SMC5: variants seen among roughly 807,000 people sequenced by gnomAD.
SMC5 encodes the protein structural maintenance of chromosomes protein 5.
A neutral mutation model predicts 148.3 loss-of-function variants in SMC5; 88 were observed. The ratio of observed to expected loss-of-function variants is 0.59; its 90% CI spans 0.50 to 0.71. The LOEUF (loss-of-function observed/expected upper bound fraction) is 0.71, where lower values mean the gene tolerates loss of function less well. Among genes scored for constraint, SMC5 ranks in the 30% least tolerant of loss-of-function variants. SMC5 has a pLI of 0.00. For synonymous variants in SMC5, 421 were observed against 432.8 expected, an observed-to-expected ratio of 0.97 and a Z score of 0.34; for missense variants, 1,142 against 1,298.9, an observed-to-expected ratio of 0.88 and a Z score of 1.86.
At chr9:70,309,992 A>T (rs1214223176) in intron 11 of SMC5, among the ~76,000 whole-genome samples, 1 of 152,080 alleles carries the variant, frequency 6.6e-6, no homozygotes, top group Admixed American at 6.6e-5. Flanking sequence ...GATTACAGGT[A>T]TGCGCCACCA....
intron 17 of SMC5, among the ~76,000 whole-genome samples, chr9:70,331,399 T>G (rs2036215466): frequency 6.7e-6 from 1 of 150,144 alleles, no homozygotes; most frequent in Admixed American, 6.6e-5. Context: ...AATCAACTAC[T>G]TTTAAAAGGT....
chr9:70,331,247 T>G (rs1387052939), intron 17 of SMC5, among the ~76,000 whole-genome samples: 1 of 152,234 alleles, frequency 6.6e-6, no homozygotes, highest in East Asian at 1.9e-4. Flanking sequence ...CACATGTGAC[T>G]GGTTTCTACT....
chr9:70,346,977 A>G (rs760861576), intron 19 of SMC5, 89 bp from the exon 20 acceptor site: 37 of 933,016 alleles, frequency 4.0e-5, no homozygotes, highest in Non-Finnish European at 6.0e-5. Flanking sequence ...GAACAGATAG[A>G]TAACTTATTC....
intron 11 of SMC5, among the ~76,000 whole-genome samples, chr9:70,312,689 A>T (rs2035690760): frequency 6.6e-6 from 1 of 152,202 alleles, no homozygotes; most frequent in Admixed American, 6.5e-5. Context: ...TAAGATGATA[A>T]TATGGGTTTT....
In SMC5 at chr9:70,298,138, G is replaced by T; in HGVS notation, c.1226G>T (p.Arg409Leu). The T allele has an allele frequency of 1.9e-6, 3 of 1,613,952 alleles. No individual in the cohort carries two copies. Among genetic ancestry groups the T allele is most frequent in the Non-Finnish European group, 2.5e-6 (3 of 1,179,910 alleles). The change falls in exon 9 of 25, where the codon CGG (arginine) becomes CTG (leucine). Residue 409 changes from arginine (R) to leucine (L), a missense_variant. Coordinates refer to ENST00000361138, the MANE Select transcript of SMC5 (RefSeq NM_015110.4). ...GATGCCATTACAAATGATCTGAGAC[G>T]GATTCAGGATGAAAAGGCATTATGT... ...QIDAITNDLR[R>L]IQDEKALCEG... is the part of the protein sequence containing the mutation.
intron 10 of SMC5, among the ~76,000 whole-genome samples, chr9:70,301,390 A>G (rs1050713947): frequency 6.6e-6 from 1 of 152,152 alleles, no homozygotes; most frequent in Non-Finnish European, 1.5e-5. Flanking sequence ...ATAAAGAGAT[A>G]TATTCTGCTT....
intron 11 of SMC5, 96 bp from the exon 12 acceptor site, chr9:70,314,646 C>A: frequency 2.0e-6 from 1 of 507,982 alleles, no homozygotes; most frequent in Non-Finnish European, 3.3e-6. Context: ...GTTTCTTATC[C>A]ATCCCACGAA....
At chr9:70,275,830 C>CT (rs1564025013) in intron 3 of SMC5, among the ~76,000 whole-genome samples, 1 of 151,996 alleles carries the variant, frequency 6.6e-6, no homozygotes, top group Non-Finnish European at 1.5e-5. Flanking sequence ...TTGCAAAGTT[C>CT]TTTTTTATTA....
chr9:70,307,597 G>C (rs2035539124), intron 11 of SMC5, among the ~76,000 whole-genome samples: 1 of 151,962 alleles, frequency 6.6e-6, no homozygotes, highest in African/African-American at 2.4e-5. Context: ...CCGCTTCCCA[G>C]GTTCAAGCAA....
rs574057729 is a variant in SMC5, at chr9:70,266,710, T to C, written c.328-1213T>C. ...CCAAGTTCTCAGCAAGAATATTTAA[T>C]GTATTTTTGTTTAAATGCTAATATA... On this transcript the variant is annotated intron_variant, in intron 2 of 24. Transcript: ENST00000361138. 7.4e-4 allele frequency among the ~76,000 whole-genome samples: 113 copies of C among 152,358 alleles called. 1 individual carries two copies. Among genetic ancestry groups the C allele is most frequent in the African/African-American group, 2.5e-3 (105 of 41,590 alleles).
At chr9:70,294,927 A>C (rs2118342790) in intron 8 of SMC5, among the ~76,000 whole-genome samples, 1 of 152,272 alleles carries the variant, frequency 6.6e-6, no homozygotes, top group Admixed American at 6.5e-5. Context: ...AAGGTTGGGG[A>C]GGATTTTCAG....
chr9:70,286,936 C>T (rs932696416), intron 8 of SMC5, among the ~76,000 whole-genome samples: 2 of 152,040 alleles, frequency 1.3e-5, no homozygotes, highest in Non-Finnish European at 2.9e-5. Context: ...AGGTTGGCCT[C>T]GAACGCCTGA....
chr9:70,309,379 C>T (rs1160468938), intron 11 of SMC5, among the ~76,000 whole-genome samples: 4 of 120,850 alleles, frequency 3.3e-5, no homozygotes, highest in African/African-American at 1.3e-4. Flanking sequence ...GTCTCGCAGA[C>T]TAGAGTGGAA....
At chr9:70,274,238 C>T (rs566822809) in intron 3 of SMC5, among the ~76,000 whole-genome samples, 2 of 152,310 alleles carry the variant, frequency 1.3e-5, no homozygotes, top group Admixed American at 6.5e-5. Flanking sequence ...CCCGACACTA[C>T]GCCCAGCTAA....
chr9:70,292,651 T>A (rs2035094014), intron 8 of SMC5, among the ~76,000 whole-genome samples: 1 of 152,188 alleles, frequency 6.6e-6, no homozygotes, highest in Admixed American at 6.5e-5. Context: ...AAAGAATATG[T>A]ATGCTCTGTC....
chr9:70,263,122 A>G (rs1189036735), intron 1 of SMC5, among the ~76,000 whole-genome samples: 1 of 152,224 alleles, frequency 6.6e-6, no homozygotes, highest in African/African-American at 2.4e-5. Flanking sequence ...ATTTCACAAC[A>G]GGAAATCCAA....
intron 7 of SMC5, among the ~76,000 whole-genome samples, chr9:70,282,982 AAAGTAT>A (rs1326162629): frequency 6.6e-6 from 1 of 152,214 alleles, no homozygotes; most frequent in Non-Finnish European, 1.5e-5. Context: ...CTGTATTTTA[AAAGTAT>A]AACTAGATAT....
Position 70,282,409 on chromosome 9 carries a change from A to G in SMC5, c.820-13A>G, listed in dbSNP as rs1173738895. 1 of 1,574,232 alleles carries G rather than the reference A, an allele frequency of 6.4e-7. No homozygotes were observed. The highest frequency in any genetic ancestry group is 2.3e-5 in the East Asian group (1 of 42,970). On this transcript the variant is annotated splice_polypyrimidine_tract_variant and intron_variant, in intron 6 of 24. Coordinates refer to ENST00000361138, the MANE Select transcript of SMC5 (RefSeq NM_015110.4). Reference sequence around the variant, plus strand: ...GTAGGGCATTAACTTCTGTTTGTTGAATTATTTGCAAGGAATATGAAAATG... The same window carrying G: ...GTAGGGCATTAACTTCTGTTTGTTGGATTATTTGCAAGGAATATGAAAATG...
At chr9:70,318,467 C>A in intron 13 of SMC5, 47 bp from the exon 14 acceptor site, 2 of 1,356,928 alleles carry the variant, frequency 1.5e-6, no homozygotes, top group Admixed American at 2.5e-5. Context: ...TACTTTAAAA[C>A]ATATAATTTA....
Sources: allele counts gnomAD v4.1 joint callset (sites outside exome capture counted in the v4.1 genomes callset), GRCh38; gene constraint gnomAD v4.1.1; transcripts MANE v1.5; gene names NCBI Gene and HGNC (gene_info 2026-07-23, HGNC 2026-07-21).